DOCK1: variants seen among roughly 807,000 people sequenced by gnomAD.
The protein encoded by DOCK1 is dedicator of cytokinesis 1.
DOCK1 carries 138 observed loss-of-function variants against 262.7 expected under a neutral mutation model. That is an observed-to-expected ratio of 0.53 (90% CI 0.46 to 0.61). DOCK1 has a LOEUF of 0.61. Ranked by LOEUF, DOCK1 falls within the 20% of genes least tolerant of loss-of-function variation. DOCK1 has a pLI of 0.00. For missense variants in DOCK1, 1,908 were observed against 2,370.7 expected, an observed-to-expected ratio of 0.80 and a Z score of 4.05; for synonymous variants, 866 against 867.4, an observed-to-expected ratio of 1.00 and a Z score of 0.03.
At chr10:127,138,497 C>T (rs1213877952) in intron 27 of DOCK1, among the ~76,000 whole-genome samples, 1 of 152,108 alleles carries the variant, frequency 6.6e-6, no homozygotes, top group East Asian at 1.9e-4. Flanking sequence ...TAAAACAATT[C>T]TGGAAGGAAA....
At chr10:127,179,963 G>C (rs185745127) in intron 27 of DOCK1, among the ~76,000 whole-genome samples, 2 of 152,312 alleles carry the variant, frequency 1.3e-5, no homozygotes, top group Admixed American at 1.3e-4. Context: ...TCATACTGCA[G>C]ATTGAGAAAC....
rs181493344 is a variant in DOCK1 at position 127,149,027 on chromosome 10, T to C, written c.2847+21263T>C. Among the ~76,000 whole-genome samples, 998 of 152,270 alleles carry C rather than the reference T, an allele frequency of 6.6e-3. 4 individuals are homozygous for C. The highest frequency in any genetic ancestry group is 0.012 in the Admixed American group (176 of 15,294). ...GCCCATCAATCCTCTGCCGAAGAAG[T>C]GTTACTCAGCTCTGAGTCAATAGAT... On this transcript the variant is annotated intron_variant, in intron 27 of 51. Transcript: ENST00000623213.
At chr10:127,409,723 C>T (rs2067733178) in intron 42 of DOCK1, among the ~76,000 whole-genome samples, 1 of 152,184 alleles carries the variant, frequency 6.6e-6, no homozygotes, top group African/African-American at 2.4e-5. Context: ...AACTTCACAG[C>T]AGTGCACAAG....
intron 49 of DOCK1, among the ~76,000 whole-genome samples, chr10:127,442,469 T>A (rs1449041517): frequency 6.6e-6 from 1 of 152,168 alleles, no homozygotes; most frequent in Non-Finnish European, 1.5e-5. Context: ...GAGTATTTTG[T>A]AACTGCTCCT....
At chr10:127,242,684 A>G (rs2059304479) in intron 27 of DOCK1, among the ~76,000 whole-genome samples, 1 of 152,194 alleles carries the variant, frequency 6.6e-6, no homozygotes, top group Admixed American at 6.5e-5. Context: ...TTAAAATGTT[A>G]CTGGATAATT....
At chr10:127,295,554 T>C (rs1321202604) in intron 29 of DOCK1, among the ~76,000 whole-genome samples, 1 of 152,114 alleles carries the variant, frequency 6.6e-6, no homozygotes, top group Non-Finnish European at 1.5e-5. Context: ...GGTGTGGTTG[T>C]GTGCACCTGT....
chr10:127,252,828 C>T (rs1157852075), intron 28 of DOCK1, among the ~76,000 whole-genome samples: 1 of 152,020 alleles, frequency 6.6e-6, no homozygotes, highest in African/African-American at 2.4e-5. Context: ...TGTGATGCCT[C>T]CAGCTTTGTT....
At chr10:127,422,407 C>T (rs1189288813) in intron 46 of DOCK1, among the ~76,000 whole-genome samples, 2 of 151,888 alleles carry the variant, frequency 1.3e-5, no homozygotes, top group Non-Finnish European at 1.5e-5. Context: ...CCTCGTGATC[C>T]GCCCACCTCA....
chr10:126,941,837 T>C (rs1350681559), intron 1 of DOCK1, among the ~76,000 whole-genome samples: 1 of 152,182 alleles, frequency 6.6e-6, no homozygotes, highest in African/African-American at 2.4e-5. Context: ...TAATCACCTT[T>C]CCTAGACAAC....
chr10:127,006,368 C>G (rs916035279), intron 10 of DOCK1, among the ~76,000 whole-genome samples: 8 of 152,218 alleles, frequency 5.3e-5, no homozygotes, highest in Non-Finnish European at 1.0e-4. Flanking sequence ...CACGCGGTGC[C>G]GTCTGTCTAC....
chr10:127,283,526 A>T (rs1229568072), intron 29 of DOCK1, among the ~76,000 whole-genome samples: 2 of 152,248 alleles, frequency 1.3e-5, no homozygotes, highest in African/African-American at 4.8e-5. Flanking sequence ...CTGAAAAATG[A>T]AGGAGTGAAA....
chr10:127,037,557 G>A (rs2135581528), intron 18 of DOCK1, among the ~76,000 whole-genome samples, 162 bp from the exon 19 acceptor site: 1 of 152,316 alleles, frequency 6.6e-6, no homozygotes, highest in South Asian at 2.1e-4. Context: ...TGTTAAGTAT[G>A]TTGCTACAAA....
intron 38 of DOCK1, 122 bp downstream of exon 38, chr10:127,385,031 T>C: frequency 7.9e-7 from 1 of 1,268,746 alleles, no homozygotes; most frequent in Non-Finnish European, 1.0e-6. Flanking sequence ...AGTTGTATAT[T>C]GAAATGTTTT....
chr10:126,941,366 A>G (rs1004898234), intron 1 of DOCK1, among the ~76,000 whole-genome samples: 7 of 151,504 alleles, frequency 4.6e-5, no homozygotes, highest in Non-Finnish European at 1.0e-4. Context: ...ATTCTGATGA[A>G]ATATTTCATT....
intron 27 of DOCK1, among the ~76,000 whole-genome samples, chr10:127,133,053 A>G (rs1314448450): frequency 1.3e-5 from 2 of 152,134 alleles, no homozygotes; most frequent in African/African-American, 4.8e-5. Flanking sequence ...TCCACTCTAA[A>G]CACTGTCTCA....
At chr10:127,261,376 G>GGTGT (rs1289820833) in intron 29 of DOCK1, among the ~76,000 whole-genome samples, 1 of 69,152 alleles carries the variant, frequency 1.4e-5, no homozygotes, top group African/African-American at 6.1e-5. Context: ...TGTGCATGTG[G>GGTGT]GTGTGTGTGT....
chr10:127,271,228 T>C lies in DOCK1; in HGVS notation c.3044+13799T>C, dbSNP rs1274728537. Among the ~76,000 whole-genome samples the C allele has an allele frequency of 2.0e-5, 3 of 152,180 alleles. No homozygotes were observed. In the East Asian group the frequency reaches 5.8e-4, roughly 29 times the overall value. On this transcript the variant is annotated intron_variant, in intron 29 of 51. Transcript: ENST00000623213. ...CTGAATGGACTCACCTGCTGGTGAC[T>C]GTCTGGGTAGCAAGGCTCAGCATGC...
intron 27 of DOCK1, among the ~76,000 whole-genome samples, chr10:127,242,916 G>T (rs944738100): frequency 3.9e-5 from 6 of 152,020 alleles, no homozygotes; most frequent in Non-Finnish European, 7.4e-5. Flanking sequence ...GTCCACACTC[G>T]TCACTCCTGT....
At chr10:127,119,038 G>T (rs998234865) in intron 25 of DOCK1, among the ~76,000 whole-genome samples, 4 of 123,676 alleles carry the variant, frequency 3.2e-5, no homozygotes, top group South Asian at 6.3e-4. Context: ...GGCTCCAGCT[G>T]AGGAATCAGG....
Sources: allele counts gnomAD v4.1 joint callset (sites outside exome capture counted in the v4.1 genomes callset), GRCh38; gene constraint gnomAD v4.1.1; transcripts MANE v1.5; gene names NCBI Gene and HGNC (gene_info 2026-07-23, HGNC 2026-07-21).